Variants in ORC2 observed in about 807,000 individuals in gnomAD.
The protein encoded by ORC2 is origin recognition complex subunit 2.
ORC2 carries 37 observed loss-of-function variants against 77.7 expected under a neutral mutation model. The observed-to-expected ratio is 0.48, with a 90% confidence interval of 0.37 to 0.63. The LOEUF is 0.63. ORC2 is among the 20% of genes least tolerant of loss of function. ORC2 has a pLI of 0.00. For missense variants in ORC2, 557 were observed against 661.9 expected (o/e 0.84, Z 1.74); for synonymous variants, 201 against 229.5 (o/e 0.88, Z 1.12).
chr2:200,931,686 T>C (rs930069313), intron 10 of ORC2, among the ~76,000 whole-genome samples: 7 of 152,176 alleles, frequency 4.6e-5, no homozygotes, highest in Non-Finnish European at 8.8e-5. Flanking sequence ...TTTGGTAAGT[T>C]TTGTCCAGAA....
chr2:200,955,065 A>G lies in ORC2; in HGVS notation c.238+2336T>C, dbSNP rs568834117. Among the ~76,000 whole-genome samples, 23 of 152,130 alleles carry G rather than the reference A, an allele frequency of 1.5e-4. No homozygotes were observed. In the South Asian group the frequency reaches 4.8e-3, roughly 32 times the overall value. ...TCCTTGGTCTGCAGCATCCTCTTCT[A>G]TTTATTCCATTGTGCCTCCAAATAT... On this transcript the variant is annotated intron_variant, in intron 4 of 17. Coordinates refer to ENST00000234296, the MANE Select transcript of ORC2 (RefSeq NM_006190.5).
rs180899938 is a variant in ORC2, at chr2:200,909,619, T to G, written c.*1682A>C. ...AGGAGGCTGAGGCACAAGAATCACT[T>G]GAACCCAGGAGGTGGAGGCTGCTGT... On this transcript the variant is annotated 3_prime_UTR_variant, in exon 18 of 18. Transcript: ENST00000234296. 3 of 149,502 alleles carry G rather than the reference T, an allele frequency of 2.0e-5. No individual in the cohort carries two copies. The Admixed American group carries it at 2.0e-4, about 10-fold the overall frequency. 9.3% of individuals were successfully genotyped at this position (149,502 alleles called of 1,614,324 possible). A position where few individuals can be genotyped will look rare whatever the true frequency, so the allele number is the denominator to read the frequency against.
intron 4 of ORC2, among the ~76,000 whole-genome samples, chr2:200,950,228 G>A (rs1464038489): frequency 1.3e-5 from 2 of 152,176 alleles, no homozygotes; most frequent in East Asian, 3.9e-4. Flanking sequence ...CTACTCAGGA[G>A]GCTGAGGCAG....
intron 7 of ORC2, among the ~76,000 whole-genome samples, chr2:200,939,855 C>A (rs1370607525): frequency 2.0e-5 from 3 of 152,096 alleles, no homozygotes; most frequent in Non-Finnish European, 2.9e-5. Context: ...AATCTAAATT[C>A]TTGATTAGAT....
chr2:200,939,279 G>A (rs1305433866), intron 7 of ORC2, among the ~76,000 whole-genome samples: 2 of 151,994 alleles, frequency 1.3e-5, no homozygotes, highest in African/African-American at 4.8e-5. Context: ...TTTCAAGATT[G>A]AGTATTGAGA....
chr2:200,960,705 C>T (rs980710874), intron 1 of ORC2, among the ~76,000 whole-genome samples: 1 of 152,146 alleles, frequency 6.6e-6, no homozygotes, highest in Non-Finnish European at 1.5e-5. Flanking sequence ...ATTAATAACT[C>T]ATTGAATTAT....
intron 15 of ORC2, among the ~76,000 whole-genome samples, chr2:200,915,656 A>G (rs2040635092): frequency 6.6e-6 from 1 of 152,208 alleles, no homozygotes; most frequent in Non-Finnish European, 1.5e-5. Context: ...ATGCAGGTCC[A>G]GAAAACAATT....
chr2:200,939,410 T>C (rs1023014530), intron 7 of ORC2, among the ~76,000 whole-genome samples: 1 of 152,190 alleles, frequency 6.6e-6, no homozygotes, highest in African/African-American at 2.4e-5. Flanking sequence ...TCCTACTTGC[T>C]ATAGAACATT....
chr2:200,915,003 C>CTTT lies in ORC2; in HGVS notation c.1467-1014_1467-1012dup, dbSNP rs1158807101. On this transcript the variant is annotated intron_variant, in intron 15 of 17. Transcript: ENST00000234296. Reference sequence around the variant, plus strand: ...CTTCACTTTTTGATTCTTCCCACGTCTTTTTTTTTTTTTTTTTTTTTTTTT... The same window carrying CTTT: ...CTTCACTTTTTGATTCTTCCCACGTCTTTTTTTTTTTTTTTTTTTTTTTTTTTT... Among the ~76,000 whole-genome samples, 328 of 65,288 alleles carry CTTT rather than the reference C, an allele frequency of 5.0e-3. 40 individuals carry two copies. The highest frequency in any genetic ancestry group is 7.4e-3 in the Non-Finnish European group (247 of 33,546). The allele number at this position is 65,288 out of a possible 152,430, so 42.8% of individuals were successfully genotyped here. A position where few individuals can be genotyped will look rare whatever the true frequency, so the allele number is the denominator to read the frequency against.
intron 4 of ORC2, among the ~76,000 whole-genome samples, chr2:200,951,510 T>A (rs2041356117): frequency 1.3e-5 from 2 of 152,240 alleles, no homozygotes; most frequent in South Asian, 4.1e-4. Flanking sequence ...CTGCTCCACA[T>A]CCTAATCAGT....
rs1352056007 is a variant in ORC2 at position 200,909,756 on chromosome 2, T to A, written c.*1545A>T. On this transcript the variant is annotated 3_prime_UTR_variant, in exon 18 of 18. Transcript: ENST00000234296. ...ATGGACTTAACATAAAATTACTTTTTAAAAAAATGATTTAAAAAAAAAAAA... is the reference window on the plus strand; with the variant it reads ...ATGGACTTAACATAAAATTACTTTTAAAAAAAATGATTTAAAAAAAAAAAA... 6.7e-6 allele frequency: 1 copy of A among 148,766 alleles called. No homozygotes were observed. Among genetic ancestry groups the A allele is most frequent in the African/African-American group, 2.5e-5 (1 of 40,436 alleles). The allele number at this position is 148,766 out of a possible 1,614,324, so 9.2% of individuals were successfully genotyped here.
chr2:200,920,642 T>C (rs1200042742), intron 14 of ORC2, among the ~76,000 whole-genome samples: 6 of 152,168 alleles, frequency 3.9e-5, no homozygotes, highest in Non-Finnish European at 2.9e-5. Context: ...TTTTAAAAAA[T>C]TAGTAATGTT....
At chr2:200,925,069 T>C (rs939363558) in intron 13 of ORC2, among the ~76,000 whole-genome samples, 2 of 151,690 alleles carry the variant, frequency 1.3e-5, no homozygotes, top group Non-Finnish European at 2.9e-5. Flanking sequence ...CAAGAAATAA[T>C]GTTTTATAAA....
intron 17 of ORC2, among the ~76,000 whole-genome samples, chr2:200,912,479 G>A (rs762567181): frequency 6.6e-6 from 1 of 152,094 alleles, no homozygotes; most frequent in African/African-American, 2.4e-5. Flanking sequence ...GTGGTGGCAC[G>A]ATCATGGCTT....
Position 200,909,042 on chromosome 2 carries a change from T to G in ORC2, c.*2259A>C, listed in dbSNP as rs2040512377. On this transcript the variant is annotated 3_prime_UTR_variant, in exon 18 of 18. Coordinates refer to ENST00000234296, the MANE Select transcript of ORC2 (RefSeq NM_006190.5). ...ATAAAGTCTACTGACACATACTGCT[T>G]GCAAATAGTATAGACACAAAAATTA... The G allele has an allele frequency of 6.6e-6, 1 of 152,186 alleles. No homozygotes were observed. Among genetic ancestry groups the G allele is most frequent in the South Asian group, 2.1e-4 (1 of 4,832 alleles). 9.4% of individuals were successfully genotyped at this position (152,186 alleles called of 1,614,324 possible).
chr2:200,944,866 T>C (rs1392349090), intron 5 of ORC2, among the ~76,000 whole-genome samples: 1 of 152,182 alleles, frequency 6.6e-6, no homozygotes, highest in Non-Finnish European at 1.5e-5. Flanking sequence ...CACATAACTT[T>C]GTGTTTAGTT....
intron 4 of ORC2, among the ~76,000 whole-genome samples, chr2:200,950,358 A>C (rs182939602): frequency 4.6e-5 from 7 of 152,216 alleles, no homozygotes; most frequent in Admixed American, 3.9e-4. Context: ...ACAGATCCTG[A>C]CTTAACTGAC....
chr2:200,957,881 T>G, intron 3 of ORC2, 149 bp downstream of exon 3: 1 of 527,208 alleles, frequency 1.9e-6, no homozygotes, highest in Non-Finnish European at 3.2e-6. Context: ...AGAATTAAAC[T>G]AAAAATTAAA....
chr2:200,925,858 C>A lies in ORC2; in HGVS notation c.1125G>T (p.Trp375Cys). The part of the protein sequence containing the change: ...TFRSILDQLD[W>C]IVNKFKEDSS... ...TACCTTCTTTAAATTTGTTTACTAT[C>A]CAGTCTAGCTGATCCAGTATACTGC... Residue 375 changes from tryptophan (W) to cysteine (C), a missense_variant, in exon 13 of 18, where the codon TGG becomes TGT. Physicochemically the swap from Trp to Cys is radical, Grantham distance 215. Transcript: ENST00000234296. 1 of 1,585,756 alleles carries A rather than the reference C, an allele frequency of 6.3e-7. No homozygotes were observed. Among genetic ancestry groups the A allele is most frequent in the Non-Finnish European group, 8.6e-7 (1 of 1,157,324 alleles).
Sources: gnomAD v4.1 joint callset for allele counts (sites outside exome capture counted in the v4.1 genomes callset) on GRCh38, gnomAD v4.1.1 for gene constraint, MANE v1.5 for transcripts, NCBI Gene and HGNC (gene_info 2026-07-23, HGNC 2026-07-21) for gene names.